The following NAA35 variants were observed in gnomAD, a reference collection of about 807,000 sequenced individuals.
The protein encoded by NAA35 is N-alpha-acetyltransferase 35, NatC auxiliary subunit, also known as MAK10 homolog, amino-acid N-acetyltransferase subunit.
NAA35 carries 18 observed loss-of-function variants against 101.7 expected under a neutral mutation model. That is an observed-to-expected ratio of 0.18 (90% CI 0.12 to 0.26). The LOEUF (loss-of-function observed/expected upper bound fraction) is 0.26. NAA35 is among the 10% of genes least tolerant of loss of function. The probability of loss-of-function intolerance (pLI) is 1.00; values close to 1 mark genes in which losing one functional copy is unlikely to be tolerated. For missense variants in NAA35, 601 were observed against 886.8 expected (o/e 0.68, Z 4.09); for synonymous variants, 267 against 273.1 (o/e 0.98, Z 0.22).
chr9:85,952,232 TC>T (rs1322773160), intron 2 of NAA35, among the ~76,000 whole-genome samples: 4 of 151,912 alleles, frequency 2.6e-5, no homozygotes, highest in Non-Finnish European at 5.9e-5. Flanking sequence ...TGATTGTTTT[TC>T]TTTTTTTTTT....
chr9:85,976,643 T>C, intron 8 of NAA35, 42 bp from the exon 9 acceptor site: 4 of 1,415,896 alleles, frequency 2.8e-6, no homozygotes, highest in Non-Finnish European at 3.9e-6. Context: ...AATGTAATAT[T>C]TTTTCAGGTT....
intron 11 of NAA35, chr9:85,986,641 A>G (rs1587620455): frequency 5.8e-6 from 2 of 345,970 alleles, no homozygotes; most frequent in African/African-American, 2.2e-5. Context: ...CTGGAGTGCA[A>G]TGGCGTGATC....
chr9:86,010,932 A>T (rs1831894900), intron 15 of NAA35, among the ~76,000 whole-genome samples: 1 of 151,568 alleles, frequency 6.6e-6, no homozygotes, highest in Non-Finnish European at 1.5e-5. Context: ...TATATTAATG[A>T]ACTGAGTTAT....
chr9:85,980,873 G>A (rs953064798), intron 11 of NAA35, among the ~76,000 whole-genome samples: 56 of 152,238 alleles, frequency 3.7e-4, no homozygotes, highest in African/African-American at 1.3e-3. Context: ...TAGAGAGGAA[G>A]AGAAATTTAT....
chr9:85,996,122 CTTTGAGTTCA>C (rs1043263032), intron 11 of NAA35, among the ~76,000 whole-genome samples: 24 of 152,016 alleles, frequency 1.6e-4, no homozygotes, highest in Admixed American at 1.2e-3. Context: ...AGAGTTTTTT[CTTTGAGTTCA>C]TTTTGACATA....
At chr9:85,942,971 T>TGA (rs1485785652) in intron 2 of NAA35, among the ~76,000 whole-genome samples, 3 of 152,220 alleles carry the variant, frequency 2.0e-5, no homozygotes, top group African/African-American at 7.2e-5. Flanking sequence ...TCACTTTTTA[T>TGA]TTTCTTCATA....
chr9:85,980,188 G>A (rs1279632888), intron 11 of NAA35, among the ~76,000 whole-genome samples: 1 of 152,190 alleles, frequency 6.6e-6, no homozygotes, highest in African/African-American at 2.4e-5. Flanking sequence ...CCTTCCCTGG[G>A]TGTACTATCT....
At chr9:86,017,619 TAGTTTATTTAAA>T in intron 19 of NAA35, 54 bp downstream of exon 19, 1 of 1,359,414 alleles carries the variant, frequency 7.4e-7, no homozygotes, top group South Asian at 1.3e-5. Flanking sequence ...CCCTATTATA[TAGTTTATTTAAA>T]CTGTTTTCTG....
At chr9:86,019,334 G>A (rs184362735) in intron 21 of NAA35, among the ~76,000 whole-genome samples, 10 of 152,290 alleles carry the variant, frequency 6.6e-5, no homozygotes, top group African/African-American at 2.2e-4. Flanking sequence ...GTGCATGCCT[G>A]TCTGTAATCC....
intron 11 of NAA35, among the ~76,000 whole-genome samples, chr9:85,988,727 C>T (rs1447999305): frequency 2.0e-5 from 3 of 150,098 alleles, no homozygotes; most frequent in East Asian, 2.0e-4. Flanking sequence ...ACCTGGGAGG[C>T]GGAGGTTGCA....
intron 6 of NAA35, among the ~76,000 whole-genome samples, chr9:85,968,992 A>G (rs1829881335): frequency 6.6e-6 from 1 of 151,944 alleles, no homozygotes; most frequent in Non-Finnish European, 1.5e-5. Flanking sequence ...CTATTGTGAA[A>G]CCTATCAGAT....
At chr9:85,982,743 A>G (rs1342766531) in intron 11 of NAA35, among the ~76,000 whole-genome samples, 1 of 152,218 alleles carries the variant, frequency 6.6e-6, no homozygotes, top group African/African-American at 2.4e-5. Flanking sequence ...GAACACATGT[A>G]TTTGCTTTCT....
intron 2 of NAA35, among the ~76,000 whole-genome samples, chr9:85,950,053 A>G (rs547710157): frequency 6.6e-6 from 1 of 152,290 alleles, no homozygotes; most frequent in African/African-American, 2.4e-5. Context: ...TTGAAACATT[A>G]TCTTTCTCAT....
chr9:86,010,544 CT>C (rs1297484824), intron 15 of NAA35, among the ~76,000 whole-genome samples: 40 of 142,682 alleles, frequency 2.8e-4, no homozygotes, highest in African/African-American at 9.9e-4. Flanking sequence ...GACATAAAAA[CT>C]TTACTTTTTT....
rs1034524870 is a variant in NAA35, at chr9:86,016,678, G to C, written c.1705+3G>C. 1 of 1,609,318 alleles carries C rather than the reference G, an allele frequency of 6.2e-7. No homozygotes were observed. The highest frequency in any genetic ancestry group is 1.3e-5 in the African/African-American group (1 of 74,654). On this transcript the variant is annotated splice_donor_region_variant and intron_variant, in intron 18 of 22. Transcript: ENST00000361671. ...AAAAACAAAGAAAAAAAAGAAAGGT[G>C]CTGTGGATTATTTTTAAACTTAAGA...
chr9:85,958,544 C>G lies in NAA35; in HGVS notation c.231C>G (p.Asn77Lys), dbSNP rs1829371631. 1 of 1,611,138 alleles carries G rather than the reference C, an allele frequency of 6.2e-7. No individual in the cohort carries two copies. Among genetic ancestry groups the G allele is most frequent in the Non-Finnish European group, 8.5e-7 (1 of 1,178,326 alleles). ...DPKMDAGMIG[N>K]QVNRKVLNFE... is the part of the protein sequence containing the mutation. ...AGATGGATGCTGGCATGATTGGAAA[C>G]CAAGTTAATCGAAAAGTTCTCAATT... is the stretch of plus-strand genomic sequence containing the variant. Residue 77 changes from asparagine to lysine, a missense_variant, in exon 4 of 23, where the codon AAC (asparagine) becomes AAG (lysine). Asn to Lys is a moderately conservative substitution (Grantham distance 94, BLOSUM62 0). Transcript: ENST00000361671.
chr9:85,953,884 A>G (rs1233213312), intron 2 of NAA35, among the ~76,000 whole-genome samples: 1 of 152,194 alleles, frequency 6.6e-6, no homozygotes, highest in Admixed American at 6.5e-5. Flanking sequence ...AAGACTGAAT[A>G]ATATTCCATT....
In NAA35 at chr9:85,954,478, C is replaced by T. The variant is rs12353252; in HGVS notation, c.125-1882C>T. ...CAGTGCACAAGGGTTTCAGTTTCTC[C>T]ACATCCTCATAACACTTATTTTCTG... is the stretch of plus-strand genomic sequence containing the variant. On this transcript the variant is annotated intron_variant, in intron 2 of 22. Coordinates refer to ENST00000361671, the MANE Select transcript of NAA35 (RefSeq NM_024635.4). Among the ~76,000 whole-genome samples, 604 of 152,300 alleles carry T rather than the reference C, an allele frequency of 4.0e-3. 5 individuals carry two copies. Among genetic ancestry groups the T allele is most frequent in the African/African-American group, 0.014 (571 of 41,576 alleles).
At chr9:86,015,221 C>T (rs1275520442) in intron 17 of NAA35, among the ~76,000 whole-genome samples, 1 of 152,130 alleles carries the variant, frequency 6.6e-6, no homozygotes, top group Non-Finnish European at 1.5e-5. Context: ...AAATGAGACG[C>T]AGATAAATAC....
Sources: gnomAD v4.1 joint callset for allele counts (sites outside exome capture counted in the v4.1 genomes callset) on GRCh38, gnomAD v4.1.1 for gene constraint, MANE v1.5 for transcripts, NCBI Gene and HGNC (gene_info 2026-07-23, HGNC 2026-07-21) for gene names.